Variants in C15orf39 observed in about 807,000 individuals in gnomAD.
C15orf39 encodes the protein PRMT2 interacting protein, also known as uncharacterized protein C15orf39.
A neutral mutation model predicts 53.9 loss-of-function variants in C15orf39; 24 were observed. The observed-to-expected ratio is 0.45, with a 90% CI of 0.32 to 0.63. The LOEUF is 0.63. C15orf39 is among the 20% of genes least tolerant of loss of function. The pLI, the probability that C15orf39 is intolerant of heterozygous loss-of-function variation, is 0.04. For synonymous variants in C15orf39, 569 were observed against 576.5 expected (o/e 0.99, Z 0.19); for missense variants, 1,271 against 1,347.9 (o/e 0.94, Z 0.89).
At chr15:75,203,271 G>A (rs2070417383) in intron 1 of C15orf39, among the ~76,000 whole-genome samples, 1 of 152,238 alleles carries the variant, frequency 6.6e-6, no homozygotes, top group African/African-American at 2.4e-5. Flanking sequence ...GCGGTGGTGG[G>A]CTCTTCTCCG....
Position 75,206,207 on chromosome 15 carries a change from A to G in C15orf39, c.159A>G (p.Ala53=), listed in dbSNP as rs1466663. 1 allele frequency: 1,611,358 copies of G among 1,614,114 alleles called. 804,335 individuals are homozygous for G. Among genetic ancestry groups the G allele is most frequent in the East Asian group, 1 (44,886 of 44,890 alleles). ...YKGSYFSCPM[A]GTPKAESEQL... The stretch of plus-strand genomic sequence containing the variant: ...GGTCCTACTTCTCCTGCCCCATGGC[A>G]GGTACTCCTAAGGCCGAGTCTGAGC... The change falls in exon 2 of 3, where the codon GCA becomes GCG. Residue 53 remains alanine (A), a synonymous_variant. Coordinates refer to ENST00000394987, the MANE Select transcript of C15orf39 (RefSeq NM_015492.5).
chr15:75,202,630 G>C (rs1438499480), intron 1 of C15orf39, among the ~76,000 whole-genome samples: 1 of 152,210 alleles, frequency 6.6e-6, no homozygotes, highest in Non-Finnish European at 1.5e-5. Context: ...GGCCGCCCCT[G>C]TTCCGGGACC....
intron 1 of C15orf39, chr15:75,202,498 A>T (rs969417637): frequency 6.6e-6 from 1 of 152,508 alleles, no homozygotes; most frequent in African/African-American, 2.4e-5. Flanking sequence ...GGGGCCCTGG[A>T]CGCGCCCTGC....
In C15orf39 at chr15:75,205,858, A is replaced by G. The variant is rs545529967; in HGVS notation, c.-50-141A>G. The G allele has an allele frequency of 5.0e-6, 3 of 604,430 alleles. No homozygotes were observed. In the East Asian group the frequency reaches 8.5e-5, roughly 17 times the overall value. The allele number at this position is 604,430 out of a possible 1,614,324, so 37.4% of individuals were successfully genotyped here. ...GTTGGAAACCTCTGTCACGTGGCTC[A>G]TGCACTCACAGTCTTAACTGAGCAT... On this transcript the variant is annotated intron_variant, in intron 1 of 2. Transcript: ENST00000394987.
In C15orf39 at chr15:75,208,463, G is replaced by T; in HGVS notation, c.2415G>T (p.Trp805Cys). 1 of 1,602,282 alleles carries T rather than the reference G, an allele frequency of 6.2e-7. No individual in the cohort carries two copies. The highest frequency in any genetic ancestry group is 8.5e-7 in the Non-Finnish European group (1 of 1,177,882). ...ETAGPWGQAAWQDCQGVQGLL... is the reference protein window; with the variant it reads ...ETAGPWGQAACQDCQGVQGLL... ...CTGGGCCCTGGGGCCAGGCTGCGTG[G>T]CAGGACTGCCAGGGTGTGCAGGGGC... The change falls in exon 2 of 3, where the codon TGG (tryptophan) becomes TGT (cysteine). Residue 805 changes from tryptophan to cysteine, a missense_variant. This residue lies in a region of C15orf39 where 277 missense variants were observed against 354.1 expected (regional missense o/e 0.78). Transcript: ENST00000394987.
rs758631217 is a variant in C15orf39, at chr15:75,207,054, C to G, written c.1006C>G (p.Pro336Ala). 1.9e-6 allele frequency: 3 copies of G among 1,609,662 alleles called. No homozygotes were observed. The highest frequency in any genetic ancestry group is 1.1e-5 in the South Asian group (1 of 90,482). ...GCAGGCAGCCCAGGCACCTTACATTCCCCCACTGGGGCTGGACGCTTACCC... is the reference window on the plus strand; with the variant it reads ...GCAGGCAGCCCAGGCACCTTACATTGCCCCACTGGGGCTGGACGCTTACCC... Reference protein sequence around the residue: ...RQQAAQAPYIPPLGLDAYPYP... With the variant: ...RQQAAQAPYIAPLGLDAYPYP... Residue 336 changes from proline to alanine, a missense_variant, in exon 2 of 3, where the codon CCC (proline) becomes GCC (alanine). By Grantham distance (27) the Pro-to-Ala change is conservative (BLOSUM62 -1). This residue lies in a region of C15orf39 where 994 missense variants were observed against 993.7 expected (regional missense o/e 1.00). Transcript: ENST00000394987.
In C15orf39 at chr15:75,207,471, G is replaced by T. The variant is rs1408635192; in HGVS notation, c.1423G>T (p.Ala475Ser). ...CAGTCCAGTTCCCTGTACCCCCCCAGCACTGCCCCCCTGTGCCCGGGAGTG... is the reference window on the plus strand; with the variant it reads ...CAGTCCAGTTCCCTGTACCCCCCCATCACTGCCCCCCTGTGCCCGGGAGTG... ...RDSPVPCTPP[A>S]LPPCARECQS... is the part of the protein sequence containing the mutation. The change falls in exon 2 of 3, where the codon GCA (alanine) becomes TCA (serine). Residue 475 changes from alanine to serine, a missense_variant. This residue lies in a region of C15orf39 where 994 missense variants were observed against 993.7 expected (regional missense o/e 1.00). Coordinates refer to ENST00000394987, the MANE Select transcript of C15orf39 (RefSeq NM_015492.5). 1.9e-6 allele frequency: 3 copies of T among 1,613,322 alleles called. No homozygotes were observed. The highest frequency in any genetic ancestry group is 1.7e-5 in the Admixed American group (1 of 59,994).
At chr15:75,209,039 C>A in intron 2 of C15orf39, 1 of 789,440 alleles carries the variant, frequency 1.3e-6, no homozygotes, top group Non-Finnish European at 1.9e-6. Flanking sequence ...CTGAACATGC[C>A]AGCTGCTCTG....
rs75710563 is a variant in C15orf39, at chr15:75,206,033, C to T, written c.-16C>T. 3.2e-6 allele frequency: 5 copies of T among 1,568,260 alleles called. No homozygotes were observed. The highest frequency in any genetic ancestry group is 1.7e-4 in the Middle Eastern group (1 of 5,918). On this transcript the variant is annotated 5_prime_UTR_variant, in exon 2 of 3. Transcript: ENST00000394987. ...TGAGTAGCAGGGGCCTAGGAGGGCT[C>T]GAAGCCTTCACAGCGATGGCAGAGA...
At chr15:75,200,670 A>G (rs1389516663), upstream of C15orf39, among the ~76,000 whole-genome samples, 1 of 152,140 alleles carries the variant, frequency 6.6e-6, no homozygotes, top group Non-Finnish European at 1.5e-5. Flanking sequence ...GAAGGGCCCC[A>G]GGCTGGGAGC....
Position 75,202,024 on chromosome 15 carries a change from T to A in C15orf39, c.-86T>A, listed in dbSNP as rs1835604930. 1 of 152,062 alleles carries A rather than the reference T, an allele frequency of 6.6e-6. No individual in the cohort carries two copies. The highest frequency in any genetic ancestry group is 1.5e-5 in the Non-Finnish European group (1 of 68,010). The allele number at this position is 152,062 out of a possible 1,614,324, so 9.4% of individuals were successfully genotyped here. A position where few individuals can be genotyped will look rare whatever the true frequency, so the allele number is the denominator to read the frequency against. On this transcript the variant is annotated 5_prime_UTR_variant, in exon 1 of 3. Coordinates refer to ENST00000394987, the MANE Select transcript of C15orf39 (RefSeq NM_015492.5). ...GGAGGATGCGGACGCGGAGGCCGCC[T>A]GGGGTAGCGGCGGCGGGAGTCCTGG... is the stretch of plus-strand genomic sequence containing the variant.
Position 75,211,185 on chromosome 15 carries a change from C to T in C15orf39, c.*69C>T, listed in dbSNP as rs1200447961. ...TTCCCTTCTGCCTGCCCAGCTGCCC[C>T]GGGGCCACGAGTGGATGCTGGGGCT... On this transcript the variant is annotated 3_prime_UTR_variant, in exon 3 of 3. Transcript: ENST00000394987. The T allele has an allele frequency of 3.0e-5, 45 of 1,516,756 alleles. No individual in the cohort carries two copies. Among genetic ancestry groups the T allele is most frequent in the Admixed American group, 2.1e-4 (11 of 51,246 alleles). The allele number at this position is 1,516,756 out of a possible 1,614,324, so 94.0% of individuals were successfully genotyped here.
rs2070447170 is a variant in C15orf39 at position 75,207,242 on chromosome 15, A to C, written c.1194A>C (p.Pro398=). ...CATCCCCTGGGCTTGGAGGGACACC[A>C]CCTTCCCAGAACAATGTGCGGGCTG... ...YGASPGLGGT[P]PSQNNVRAVP... The change falls in exon 2 of 3, where the codon CCA becomes CCC. Residue 398 remains proline, a synonymous_variant. Transcript: ENST00000394987. 1 of 1,613,310 alleles carries C rather than the reference A, an allele frequency of 6.2e-7. No individual in the cohort carries two copies. The highest frequency in any genetic ancestry group is 1.3e-5 in the African/African-American group (1 of 74,778).
At position 75,207,621 on chromosome 15, in the gene C15orf39, A is replaced by ACTGAGCCTGACTCTGCCACAG. The variant is rs556739603; in HGVS notation, c.1587_1607dup (p.Thr531_Ala537dup). The stretch of plus-strand genomic sequence containing the variant: ...GGATGTGCCGGCACCCGAGGCCACA[A>ACTGAGCCTGACTCTGCCACAG]CTGAGCCTGACTCTGCCACAGCTGA... On this transcript the variant is annotated inframe_insertion, in exon 2 of 3. Transcript: ENST00000394987. 1.2e-3 allele frequency: 1,920 copies of ACTGAGCCTGACTCTGCCACAG among 1,613,120 alleles called. 3 individuals are homozygous for ACTGAGCCTGACTCTGCCACAG. Among genetic ancestry groups the ACTGAGCCTGACTCTGCCACAG allele is most frequent in the Middle Eastern group, 2.0e-3 (12 of 6,060 alleles).
At chr15:75,201,504 G>A (rs1364714146), upstream of C15orf39, among the ~76,000 whole-genome samples, 1 of 152,228 alleles carries the variant, frequency 6.6e-6, no homozygotes, top group Non-Finnish European at 1.5e-5. This position sits in a 1 kb window ranked among gnomAD's most constrained non-coding sequence, Gnocchi z 4.7. Context: ...CCAGATATTT[G>A]CAAACACCCT....
Position 75,207,448 on chromosome 15 carries a change from G to C in C15orf39, c.1400G>C (p.Ser467Thr). 6.2e-7 allele frequency: 1 copy of C among 1,613,662 alleles called. No individual in the cohort carries two copies. The highest frequency in any genetic ancestry group is 8.5e-7 in the Non-Finnish European group (1 of 1,180,016). The change falls in exon 2 of 3, where the codon AGT becomes ACT. Residue 467 changes from serine (S) to threonine (T), a missense_variant. This residue lies in a region of C15orf39 where 994 missense variants were observed against 993.7 expected (regional missense o/e 1.00). Transcript: ENST00000394987. ...GGGCCGCCCATCGTCATCCGAGACA[G>C]TCCAGTTCCCTGTACCCCCCCAGCA... Reference protein sequence around the residue: ...HSGPPIVIRDSPVPCTPPALP... With the variant: ...HSGPPIVIRDTPVPCTPPALP...
intron 2 of C15orf39, among the ~76,000 whole-genome samples, chr15:75,210,360 G>A (rs959344914): frequency 1.3e-5 from 2 of 152,186 alleles, no homozygotes; most frequent in African/African-American, 4.8e-5. Context: ...CTCGGGCTTG[G>A]GCTTGGTCTC....
Position 75,208,200 on chromosome 15 carries a change from TC to T in C15orf39, c.2156del (p.Pro719LeufsTer76). ...CAGCCCTCCAGCCGTAGCTGTGGCC[TC>T]CCCTGCCCCTGCTCCAGCTCCATCC... is the stretch of plus-strand genomic sequence containing the variant. ...LPSPPAVAVA[S>X]PAPAPAPSPA... is the part of the protein sequence containing the mutation. On this transcript the variant is annotated frameshift_variant, in exon 2 of 3. Coordinates refer to ENST00000394987, the MANE Select transcript of C15orf39 (RefSeq NM_015492.5). LOFTEE classifies it high-confidence loss of function. The T allele has an allele frequency of 6.2e-7, 1 of 1,613,752 alleles. No homozygotes were observed.
intron 2 of C15orf39, 108 bp from the exon 3 acceptor site, chr15:75,210,641 C>T: frequency 6.9e-7 from 1 of 1,458,176 alleles, no homozygotes; most frequent in South Asian, 1.4e-5. Context: ...GTTGTGATGC[C>T]AGCCTGACTT....
Sources: allele counts gnomAD v4.1 joint callset (sites outside exome capture counted in the v4.1 genomes callset), GRCh38; gene constraint gnomAD v4.1.1; regional missense constraint gnomAD v4.1.1; non-coding constraint Gnocchi (gnomAD v3.1); transcripts MANE v1.5; gene names NCBI Gene and HGNC (gene_info 2026-07-23, HGNC 2026-07-21).